The following SPAG16 variants were observed in gnomAD, a reference collection of about 807,000 sequenced individuals.
SPAG16 encodes the protein sperm associated antigen 16.
A neutral mutation model predicts 80.4 loss-of-function variants in SPAG16; 86 were observed. The observed-to-expected ratio is 1.07, with a 90% CI of 0.90 to 1.28. SPAG16 has a LOEUF of 1.28. Among genes scored for constraint, SPAG16 ranks in the 50% most tolerant of loss-of-function variants. The probability of loss-of-function intolerance (pLI) is 0.00; values close to 1 mark genes in which losing one functional copy is unlikely to be tolerated. For synonymous variants in SPAG16, 294 were observed against 265.9 expected (o/e 1.11, Z -1.03); for missense variants, 870 against 765.3 (o/e 1.14, Z -1.61).
chr2:213,704,788 T>A (rs1358825793), intron 10 of SPAG16, among the ~76,000 whole-genome samples: 1 of 151,992 alleles, frequency 6.6e-6, no homozygotes, highest in Admixed American at 6.6e-5. Flanking sequence ...TATTGGAGAG[T>A]ATTAAGAATG....
intron 8 of SPAG16, among the ~76,000 whole-genome samples, chr2:213,368,827 A>T (rs942402192): frequency 6.6e-6 from 1 of 152,212 alleles, no homozygotes; most frequent in Non-Finnish European, 1.5e-5. Flanking sequence ...CTTCAAAGAG[A>T]ATAAAATACC....
intron 10 of SPAG16, among the ~76,000 whole-genome samples, chr2:213,669,726 C>T (rs879114331): frequency 2.0e-5 from 3 of 152,128 alleles, no homozygotes; most frequent in Non-Finnish European, 4.4e-5. Context: ...TGAAAGAAAA[C>T]TGAATTTCTT....
chr2:214,363,851 A>T (rs1699322364), intron 15 of SPAG16, among the ~76,000 whole-genome samples: 1 of 152,104 alleles, frequency 6.6e-6, no homozygotes, highest in African/African-American at 2.4e-5. Flanking sequence ...ACAATCTTGA[A>T]AAAGTTCTTG....
intron 9 of SPAG16, among the ~76,000 whole-genome samples, chr2:213,476,774 A>G (rs2073422928): frequency 6.6e-6 from 1 of 152,048 alleles, no homozygotes; most frequent in South Asian, 2.1e-4. Flanking sequence ...TAGCTCAGGT[A>G]GTGGAAGGGG....
At chr2:213,755,532 C>T (rs1670339298) in intron 10 of SPAG16, among the ~76,000 whole-genome samples, 1 of 152,112 alleles carries the variant, frequency 6.6e-6, no homozygotes, top group South Asian at 2.1e-4. Context: ...CCATACATTG[C>T]ACTTTTTTTG....
intron 15 of SPAG16, among the ~76,000 whole-genome samples, chr2:214,154,205 A>G (rs1233828600): frequency 6.6e-6 from 1 of 152,198 alleles, no homozygotes; most frequent in East Asian, 1.9e-4. Flanking sequence ...GAATTTATAT[A>G]CATACTTTTC....
intron 10 of SPAG16, among the ~76,000 whole-genome samples, chr2:213,562,217 G>GGGGAGAAGAAA (rs1198300236): frequency 1.6e-4 from 25 of 152,282 alleles, no homozygotes; most frequent in Non-Finnish European, 2.9e-4. Context: ...TTTGCAGGTA[G>GGGGAGAAGAAA]GGGAGAAGAA....
chr2:213,309,101 G>A (rs111521218), intron 3 of SPAG16, among the ~76,000 whole-genome samples: 1 of 151,980 alleles, frequency 6.6e-6, no homozygotes, highest in African/African-American at 2.4e-5. Context: ...TTTTACCTGT[G>A]GTATCATGTT....
chr2:213,562,736 T>A (rs553201066), intron 10 of SPAG16, among the ~76,000 whole-genome samples: 4 of 152,072 alleles, frequency 2.6e-5, no homozygotes, highest in Non-Finnish European at 5.9e-5. Flanking sequence ...ATCTGATGCC[T>A]GGTGAGGCCA....
intron 5 of SPAG16, among the ~76,000 whole-genome samples, chr2:213,328,739 C>G (rs1174783765): frequency 6.6e-6 from 1 of 152,142 alleles, no homozygotes; most frequent in Non-Finnish European, 1.5e-5. Flanking sequence ...GTAGGAGTTT[C>G]ATACTGCTAC....
intron 15 of SPAG16, among the ~76,000 whole-genome samples, chr2:214,363,316 C>T (rs1699294729): frequency 6.6e-6 from 1 of 151,892 alleles, no homozygotes; most frequent in African/African-American, 2.4e-5. Flanking sequence ...ATGGCTAAAT[C>T]CAAAAATTTA....
intron 15 of SPAG16, among the ~76,000 whole-genome samples, chr2:214,318,993 C>T (rs943937995): frequency 2.0e-5 from 3 of 152,224 alleles, no homozygotes; most frequent in Middle Eastern, 6.8e-3. Context: ...CTAAAGCTTT[C>T]TCATTATGCT....
intron 9 of SPAG16, among the ~76,000 whole-genome samples, chr2:213,480,274 C>G (rs1303716137): frequency 6.6e-6 from 1 of 152,192 alleles, no homozygotes; most frequent in Non-Finnish European, 1.5e-5. Flanking sequence ...TGGGCATAAA[C>G]TTGCATTTAT....
rs1187901579 is a variant in SPAG16 at position 214,410,374 on chromosome 2, A to G, written c.*59A>G. The G allele has an allele frequency of 6.7e-7, 1 of 1,488,320 alleles. No individual in the cohort carries two copies. Among genetic ancestry groups the G allele is most frequent in the Non-Finnish European group, 9.1e-7 (1 of 1,096,668 alleles). 92.2% of individuals were successfully genotyped at this position (1,488,320 alleles called of 1,614,324 possible). Reference sequence around the variant, plus strand: ...TTTAAGGCTTGAAAATGCCTCCTGTAGTCCCAAACCAGCAAAGAACTGGTT... The same window carrying G: ...TTTAAGGCTTGAAAATGCCTCCTGTGGTCCCAAACCAGCAAAGAACTGGTT... On this transcript the variant is annotated 3_prime_UTR_variant, in exon 16 of 16. Coordinates refer to ENST00000331683, the MANE Select transcript of SPAG16 (RefSeq NM_024532.5).
intron 15 of SPAG16, among the ~76,000 whole-genome samples, chr2:214,151,188 T>A (rs749492664): frequency 6.6e-6 from 1 of 152,098 alleles, no homozygotes; most frequent in East Asian, 1.9e-4. Context: ...ATGAGAAATC[T>A]GTGCTTCTGT....
intron 11 of SPAG16, among the ~76,000 whole-genome samples, chr2:213,873,691 T>G (rs904820362): frequency 1.3e-5 from 2 of 152,218 alleles, no homozygotes; most frequent in South Asian, 4.1e-4. Context: ...GTTTTTGTTT[T>G]CATTCATATC....
chr2:214,350,289 G>T (rs2126047122), intron 15 of SPAG16, among the ~76,000 whole-genome samples: 1 of 152,112 alleles, frequency 6.6e-6, no homozygotes, highest in Non-Finnish European at 1.5e-5. Context: ...TCTCTTCTCG[G>T]ACTCCAGTTG....
rs561394582 is a variant in SPAG16 at position 213,524,752 on chromosome 2, G to C, written c.1070+34662G>C. ...GAATGGGTGTATTTACCTAATGCCT[G>C]TACTCCCATTGTATCTAAAAAGTAA... On this transcript the variant is annotated intron_variant, in intron 10 of 15. Transcript: ENST00000331683. Among the ~76,000 whole-genome samples the C allele has an allele frequency of 2.6e-5, 4 of 152,224 alleles. No individual in the cohort carries two copies. In the South Asian group the frequency reaches 8.3e-4, roughly 32 times the overall value.
intron 13 of SPAG16, among the ~76,000 whole-genome samples, chr2:214,038,297 G>A (rs1203332921): frequency 6.6e-6 from 1 of 151,842 alleles, no homozygotes; most frequent in Non-Finnish European, 1.5e-5. Flanking sequence ...TTTGCATTTT[G>A]AATGACATAT....
Sources: gnomAD v4.1 joint callset for allele counts (sites outside exome capture counted in the v4.1 genomes callset) on GRCh38, gnomAD v4.1.1 for gene constraint, MANE v1.5 for transcripts, NCBI Gene and HGNC (gene_info 2026-07-23, HGNC 2026-07-21) for gene names.